The following CDKL5 variants were observed in gnomAD, a reference collection of about 807,000 sequenced individuals.
CDKL5 encodes cyclin-dependent kinase-like 5.
Under a neutral mutation model 61.7 loss-of-function variants are expected in CDKL5, and 8 were observed. The ratio of observed to expected loss-of-function variants is 0.13; its 90% CI spans 0.08 to 0.23. CDKL5 has a LOEUF of 0.23. CDKL5 is among the 10% of genes least tolerant of loss of function. CDKL5 has a pLI of 1.00. For missense variants in CDKL5, 440 were observed against 734.5 expected, an observed-to-expected ratio of 0.60 and a Z score of 4.63; for synonymous variants, 275 against 272.3, an observed-to-expected ratio of 1.01 and a Z score of -0.10.
intron 15 of CDKL5, among the ~76,000 whole-genome samples, chrX:18,617,522 C>T (rs774029422): frequency 2.7e-5 from 3 of 112,421 alleles, no homozygotes; most frequent in Non-Finnish European, 5.6e-5. Context: ...ATAACTCATT[C>T]TGCATTCCTT....
intron 1 of CDKL5, among the ~76,000 whole-genome samples, chrX:18,495,428 T>C (rs1922133447): frequency 8.9e-6 from 1 of 112,490 alleles, no homozygotes; most frequent in African/African-American, 3.2e-5. Context: ...ATTTTACATG[T>C]ATTTTCTTAG....
rs372238701 is a variant in CDKL5 at position 18,605,104 on chromosome X, C to CT, written c.1944+247dup. 0.066 allele frequency among the ~76,000 whole-genome samples: 6,930 copies of CT among 104,478 alleles called. 252 individuals carry two copies. Among genetic ancestry groups the CT allele is most frequent in the Non-Finnish European group, 0.11 (5,328 of 50,502 alleles). The allele number at this position is 104,478 out of a possible 115,157, so 90.7% of individuals were successfully genotyped here. A position where few individuals can be genotyped will look rare whatever the true frequency, so the allele number is the denominator to read the frequency against. ...AAAGTCAAATTTTGTTTTTAGTGAT[C>CT]TTTTTTTTTTTCTTAAATGTTCTTT... On this transcript the variant is annotated intron_variant, in intron 12 of 17. Coordinates refer to ENST00000623535, the MANE Select transcript of CDKL5 (RefSeq NM_001323289.2).
chrX:18,427,453 C>T (rs1008247866), intron 1 of CDKL5, among the ~76,000 whole-genome samples: 4 of 109,338 alleles, frequency 3.7e-5, no homozygotes, highest in African/African-American at 1.3e-4. Context: ...CCGTTTGGCT[C>T]TATTAAATAA....
intron 1 of CDKL5, among the ~76,000 whole-genome samples, chrX:18,488,082 G>T (rs888429455): frequency 9.0e-6 from 1 of 111,445 alleles, no homozygotes; most frequent in Non-Finnish European, 1.9e-5. Context: ...AGAGGAAATG[G>T]GGATTCTGGC....
rs182492465 is a variant in CDKL5 at position 18,532,889 on chromosome X, A to G, written c.99+22035A>G. Among the ~76,000 whole-genome samples the G allele has an allele frequency of 4.3e-3, 481 of 111,533 alleles. 2 individuals carry two copies. The highest frequency in any genetic ancestry group is 0.042 in the Middle Eastern group (9 of 214). On this transcript the variant is annotated intron_variant, in intron 3 of 17. Coordinates refer to ENST00000623535, the MANE Select transcript of CDKL5 (RefSeq NM_001323289.2). ...TTTTAAGTTTTATTTTTCTCACTGA[A>G]CGTACTGTGAGAAACAGCCATTAAA...
chrX:18,547,759 C>G (rs192670519), intron 3 of CDKL5, among the ~76,000 whole-genome samples: 1 of 111,930 alleles, frequency 8.9e-6, no homozygotes, highest in African/African-American at 3.2e-5. Context: ...ATTGAGCAGA[C>G]TTTTAGTTAC....
At position 18,618,250 on chromosome X, in the gene CDKL5, C is replaced by T. The variant is rs192194193; in HGVS notation, c.2277-1617C>T. On this transcript the variant is annotated intron_variant, in intron 15 of 17. Coordinates refer to ENST00000623535, the MANE Select transcript of CDKL5 (RefSeq NM_001323289.2). Reference sequence around the variant, plus strand: ...AGACTTTCATTCTGCTTGGTAAAAACTTCTACCCATTAATCTGAATATTCT... The same window carrying T: ...AGACTTTCATTCTGCTTGGTAAAAATTTCTACCCATTAATCTGAATATTCT... Among the ~76,000 whole-genome samples the T allele has an allele frequency of 4.4e-5, 5 of 112,364 alleles. No homozygotes were observed. The East Asian group carries it at 1.4e-3, about 31-fold the overall frequency.
chrX:18,591,316 C>G (rs1026115263), intron 9 of CDKL5, among the ~76,000 whole-genome samples: 1 of 112,056 alleles, frequency 8.9e-6, no homozygotes, highest in African/African-American at 3.3e-5. Flanking sequence ...AGATGTGTTT[C>G]CAGCATTTAA....
At chrX:18,616,946 G>A (rs1001085594) in intron 15 of CDKL5, among the ~76,000 whole-genome samples, 4 of 110,977 alleles carry the variant, frequency 3.6e-5, no homozygotes, top group African/African-American at 1.3e-4. Context: ...TGACCATGAT[G>A]CTCCCCCGCC....
chrX:18,524,506 C>G (rs906033883), intron 3 of CDKL5, among the ~76,000 whole-genome samples: 1 of 112,218 alleles, frequency 8.9e-6, no homozygotes, highest in Non-Finnish European at 1.9e-5. Context: ...TCAGTGCTAA[C>G]ACTCTCCAGA....
chrX:18,538,756 G>T (rs1324107165), intron 3 of CDKL5, among the ~76,000 whole-genome samples: 1 of 111,712 alleles, frequency 9.0e-6, no homozygotes, highest in Non-Finnish European at 1.9e-5. Flanking sequence ...TCTAATTCTG[G>T]ATTCTCTGTC....
chrX:18,632,993 T>C lies in CDKL5; in HGVS notation c.*4236T>C. 3.2e-5 allele frequency: 24 copies of C among 754,720 alleles called. No homozygotes were observed. Among genetic ancestry groups the C allele is most frequent in the Non-Finnish European group, 3.8e-5 (24 of 639,395 alleles). 62.2% of individuals were successfully genotyped at this position (754,720 alleles called of 1,213,427 possible). A position where few individuals can be genotyped will look rare whatever the true frequency, so the allele number is the denominator to read the frequency against. On this transcript the variant is annotated 3_prime_UTR_variant, in exon 18 of 18. Transcript: ENST00000623535. Reference sequence around the variant, plus strand: ...GTGTGTAGAAAGATCTGTCTATTTCTGTTCACCTGGGACCTGGTGGTGACT... The same window carrying C: ...GTGTGTAGAAAGATCTGTCTATTTCCGTTCACCTGGGACCTGGTGGTGACT...
chrX:18,440,887 C>T (rs772645169), intron 1 of CDKL5, among the ~76,000 whole-genome samples: 4 of 111,477 alleles, frequency 3.6e-5, no homozygotes, highest in Non-Finnish European at 5.6e-5. Context: ...AAGGTGTTGG[C>T]GCAAAGAAAG....
Position 18,604,834 on chromosome X carries a change from C to G in CDKL5, c.1910C>G (p.Ala637Gly), listed in dbSNP as rs750727784. 3 of 1,211,403 alleles carry G rather than the reference C, an allele frequency of 2.5e-6. No individual in the cohort carries two copies. The South Asian group carries it at 5.3e-5, about 21-fold the overall frequency. Reference protein sequence around the residue: ...GSLSIGQGMAARANSLQLLSP... With the variant: ...GSLSIGQGMAGRANSLQLLSP... Reference sequence around the variant, plus strand: ...TTGAGCATAGGGCAAGGGATGGCAGCTAGAGCCAACAGCCTGCAACTCTTG... The same window carrying G: ...TTGAGCATAGGGCAAGGGATGGCAGGTAGAGCCAACAGCCTGCAACTCTTG... Residue 637 changes from alanine (A) to glycine (G), a missense_variant, in exon 12 of 18, where the codon GCT becomes GGT. Physicochemically the swap from Ala to Gly is moderately conservative, Grantham distance 60 (BLOSUM62 0). Coordinates refer to ENST00000623535, the MANE Select transcript of CDKL5 (RefSeq NM_001323289.2).
Position 18,448,487 on chromosome X carries a change from T to C in CDKL5, c.-163+22792T>C, listed in dbSNP as rs147674623. Among the ~76,000 whole-genome samples, 6 of 112,360 alleles carry C rather than the reference T, an allele frequency of 5.3e-5. No individual in the cohort carries two copies. The East Asian group carries it at 1.7e-3, about 32-fold the overall frequency. ...CTATACAATTTTGTTTCATACTTGATGTCTTTACTTTTTGTCTTTTGCCTG... is the reference window on the plus strand; with the variant it reads ...CTATACAATTTTGTTTCATACTTGACGTCTTTACTTTTTGTCTTTTGCCTG... On this transcript the variant is annotated intron_variant, in intron 1 of 17. Coordinates refer to ENST00000623535, the MANE Select transcript of CDKL5 (RefSeq NM_001323289.2).
chrX:18,595,563 C>T, intron 10 of CDKL5, 135 bp downstream of exon 10: 2 of 484,703 alleles, frequency 4.1e-6, no homozygotes, highest in Non-Finnish European at 7.4e-6. Flanking sequence ...GGAACTATGT[C>T]ATATTAAAAG....
At chrX:18,647,505 C>G in intron 20 of CDKL5, 1 of 481,022 alleles carries the variant, frequency 2.1e-6, no homozygotes, top group South Asian at 3.1e-5. Context: ...TCACTACTCA[C>G]GCAAGAAAGG....
intron 1 of CDKL5, among the ~76,000 whole-genome samples, chrX:18,454,681 C>T (rs1425491335): frequency 3.7e-5 from 4 of 109,392 alleles, no homozygotes; most frequent in South Asian, 3.9e-4. Context: ...CTCAGCCTCC[C>T]GAGTAGCTGG....
At chrX:18,653,408 C>A (rs779429355) in intron 21 of CDKL5, 1 of 1,206,243 alleles carries the variant, frequency 8.3e-7, no homozygotes, top group East Asian at 3.0e-5. Context: ...CTGAGTGACC[C>A]CGCTGTCCTT....
Sources: allele counts gnomAD v4.1 joint callset (sites outside exome capture counted in the v4.1 genomes callset), GRCh38; gene constraint gnomAD v4.1.1; transcripts MANE v1.5; gene names NCBI Gene and HGNC (gene_info 2026-07-23, HGNC 2026-07-21).